Variants in KCNIP4 observed in about 807,000 individuals in gnomAD.
The protein encoded by KCNIP4 is potassium voltage-gated channel interacting protein 4.
In KCNIP4, 12 loss-of-function variants were observed where a neutral mutation model predicts 34.0. The ratio of observed to expected loss-of-function variants is 0.35; its 90% CI spans 0.23 to 0.57. KCNIP4 has a LOEUF of 0.57. KCNIP4 is among the 20% of genes least tolerant of loss of function. The pLI, the probability that KCNIP4 is intolerant of heterozygous loss-of-function variation, is 0.83. For synonymous variants in KCNIP4, 124 were observed against 102.2 expected, an observed-to-expected ratio of 1.21 and a Z score of -1.29; for missense variants, 238 against 311.7, an observed-to-expected ratio of 0.76 and a Z score of 1.78.
chr4:21,146,269 G>A (rs1207033949), intron 1 of KCNIP4, among the ~76,000 whole-genome samples: 3 of 152,150 alleles, frequency 2.0e-5, no homozygotes, highest in African/African-American at 7.2e-5. Flanking sequence ...GTGGTGGCGG[G>A]CGCCTATAGT....
rs548441726 is a variant in KCNIP4, at chr4:21,053,010, T to TAC, written c.62-170303_62-170302dup. ...TCAATCTGAGAGAGAAAGATATGTA[T>TAC]ACACACACACACACATACACACACA... On this transcript the variant is annotated intron_variant, in intron 1 of 8. Transcript: ENST00000382152. 4.6e-3 allele frequency among the ~76,000 whole-genome samples: 697 copies of TAC among 150,496 alleles called. 6 individuals carry two copies. Among genetic ancestry groups the TAC allele is most frequent in the African/African-American group, 0.013 (515 of 41,124 alleles).
At chr4:20,946,287 T>C (rs536905874) in intron 1 of KCNIP4, among the ~76,000 whole-genome samples, 4 of 152,210 alleles carry the variant, frequency 2.6e-5, no homozygotes, top group African/African-American at 9.6e-5. Context: ...GAAATTCAAA[T>C]GAAACCTTAA....
At chr4:21,519,617 T>C (rs1268015758) in intron 1 of KCNIP4, among the ~76,000 whole-genome samples, 3 of 119,736 alleles carry the variant, frequency 2.5e-5, no homozygotes, top group Non-Finnish European at 5.3e-5. Flanking sequence ...TATGTGTGTG[T>C]ATGTATGTGT....
At chr4:21,381,535 T>C (rs923876312) in intron 1 of KCNIP4, among the ~76,000 whole-genome samples, 2 of 152,230 alleles carry the variant, frequency 1.3e-5, no homozygotes, top group Admixed American at 6.5e-5. Context: ...ATGTTGAATG[T>C]TGTCACTGAA....
intron 3 of KCNIP4, among the ~76,000 whole-genome samples, chr4:20,823,077 T>TAGTC (rs1349523034): frequency 6.6e-6 from 1 of 152,168 alleles, no homozygotes; most frequent in African/African-American, 2.4e-5. Flanking sequence ...TAGAACTGTA[T>TAGTC]AGTCTGTTCC....
chr4:21,536,988 C>T (rs1464655586), intron 1 of KCNIP4, among the ~76,000 whole-genome samples: 1 of 151,990 alleles, frequency 6.6e-6, no homozygotes, highest in Non-Finnish European at 1.5e-5. Flanking sequence ...TAATTTCTAC[C>T]CCTCAAACAT....
intron 1 of KCNIP4, among the ~76,000 whole-genome samples, chr4:21,078,975 G>A (rs953158068): frequency 6.6e-6 from 1 of 152,068 alleles, no homozygotes; most frequent in Non-Finnish European, 1.5e-5. Flanking sequence ...TGTAAATTCT[G>A]TAGGAGCCTC....
In KCNIP4 at chr4:21,513,296, C is replaced by T. The variant is rs560742197; in HGVS notation, c.61+435275G>A. On this transcript the variant is annotated intron_variant, in intron 1 of 8. Coordinates refer to ENST00000382152, the MANE Select transcript of KCNIP4 (RefSeq NM_025221.6). The stretch of plus-strand genomic sequence containing the variant: ...TTTACCTTTACTATTCCAGAAGACT[C>T]TCGTTCAGGCAAATAACTTAACAGC... Among the ~76,000 whole-genome samples the T allele has an allele frequency of 9.9e-5, 15 of 152,280 alleles. No homozygotes were observed. The South Asian group carries it at 1.0e-3, about 11-fold the overall frequency.
intron 1 of KCNIP4, among the ~76,000 whole-genome samples, chr4:21,691,156 T>C (rs1711585681): frequency 2.0e-5 from 3 of 152,332 alleles, no homozygotes; most frequent in East Asian, 1.9e-4. Flanking sequence ...AATACTGCTA[T>C]GAACATATTT....
intron 3 of KCNIP4, among the ~76,000 whole-genome samples, chr4:20,764,659 G>A (rs899797762): frequency 1.2e-4 from 18 of 145,030 alleles, no homozygotes; most frequent in African/African-American, 4.4e-4. Context: ...AGGAGCTACC[G>A]ACTAGAATCA....
intron 1 of KCNIP4, among the ~76,000 whole-genome samples, chr4:21,821,361 T>C (rs975722553): frequency 6.6e-6 from 1 of 152,136 alleles, no homozygotes; most frequent in African/African-American, 2.4e-5. Context: ...AAATATATTT[T>C]TAAGGTCACT....
chr4:21,286,915 G>A (rs1763158675), intron 1 of KCNIP4, among the ~76,000 whole-genome samples: 1 of 152,134 alleles, frequency 6.6e-6, no homozygotes, highest in East Asian at 1.9e-4. Flanking sequence ...ACTCGGAAAT[G>A]TAATTGAGAG....
intron 3 of KCNIP4, among the ~76,000 whole-genome samples, chr4:20,775,452 G>C (rs1756291659): frequency 6.7e-6 from 1 of 150,190 alleles, no homozygotes; most frequent in Admixed American, 6.7e-5. Context: ...TGTAATCCCA[G>C]CACTTTGGAA....
intron 1 of KCNIP4, among the ~76,000 whole-genome samples, chr4:21,410,059 G>C (rs62295482): frequency 5.3e-5 from 8 of 151,970 alleles, no homozygotes; most frequent in Non-Finnish European, 1.2e-4. Context: ...CTCCTTCTAC[G>C]AGAGTACAGT....
chr4:21,817,951 T>C (rs1034045351), intron 1 of KCNIP4, among the ~76,000 whole-genome samples: 7 of 152,166 alleles, frequency 4.6e-5, no homozygotes, highest in African/African-American at 1.7e-4. Context: ...TTTGTCCTGT[T>C]CCCTCAGAAG....
chr4:21,881,209 G>A (rs963534815), intron 1 of KCNIP4, among the ~76,000 whole-genome samples: 2 of 152,046 alleles, frequency 1.3e-5, no homozygotes, highest in Non-Finnish European at 2.9e-5. Flanking sequence ...GGATATGGCT[G>A]TCATTTGTTT....
chr4:20,801,744 A>G lies in KCNIP4; in HGVS notation c.289-42854T>C, dbSNP rs185338735. ...TAATACTACAGAAAATTATACCACA[A>G]TGATAGACAACAAGAGAGGAAGAAA... On this transcript the variant is annotated intron_variant, in intron 3 of 8. Coordinates refer to ENST00000382152, the MANE Select transcript of KCNIP4 (RefSeq NM_025221.6). Among the ~76,000 whole-genome samples the G allele has an allele frequency of 2.2e-3, 338 of 152,254 alleles. 1 individual carries two copies. The highest frequency in any genetic ancestry group is 4.0e-3 in the Non-Finnish European group (272 of 67,980).
At chr4:21,588,443 A>C (rs972026347) in intron 1 of KCNIP4, among the ~76,000 whole-genome samples, 1 of 152,016 alleles carries the variant, frequency 6.6e-6, no homozygotes. Context: ...TTTGATGCTA[A>C]TTAGGTATGT....
intron 1 of KCNIP4, among the ~76,000 whole-genome samples, chr4:21,247,820 T>TATATATAC (rs767314805): frequency 0.025 from 2,573 of 100,964 alleles, 89 homozygotes; most frequent in Non-Finnish European, 0.032. Flanking sequence ...TATATATATA[T>TATATATAC]ACACACACAC....
Sources: allele counts gnomAD v4.1 joint callset (sites outside exome capture counted in the v4.1 genomes callset), GRCh38; gene constraint gnomAD v4.1.1; transcripts MANE v1.5; gene names NCBI Gene and HGNC (gene_info 2026-07-23, HGNC 2026-07-21).